TRIP13: variants seen among roughly 807,000 people sequenced by gnomAD.
TRIP13 encodes pachytene checkpoint protein 2 homolog.
TRIP13 carries 25 observed loss-of-function variants against 54.4 expected under a neutral mutation model. The ratio of observed to expected loss-of-function variants is 0.46; its 90% CI spans 0.33 to 0.64. TRIP13 has a LOEUF of 0.64. Among genes scored for constraint, TRIP13 ranks in the 30% least tolerant of loss-of-function variants. TRIP13 has a pLI of 0.02. For synonymous variants in TRIP13, 207 were observed against 207.8 expected (o/e 1.00, Z 0.03); for missense variants, 373 against 534.2 (o/e 0.70, Z 2.97).
chr5:901,866 G>A (rs1487234107), intron 5 of TRIP13, among the ~76,000 whole-genome samples: 1 of 151,968 alleles, frequency 6.6e-6, no homozygotes, highest in African/African-American at 2.4e-5. Flanking sequence ...CAGGTGATCC[G>A]CCCGCCTCAG....
chr5:895,037 G>A (rs1012083265), intron 2 of TRIP13, 85 bp downstream of exon 2: 2 of 1,429,066 alleles, frequency 1.4e-6, no homozygotes, highest in Middle Eastern at 2.3e-4. Context: ...TTCATAGCCT[G>A]TTGTCAGAAA....
intron 1 of TRIP13, among the ~76,000 whole-genome samples, chr5:893,377 A>ACCCTGCCCCTGC (rs138113921): frequency 6.6e-6 from 1 of 151,672 alleles, no homozygotes; most frequent in South Asian, 2.1e-4. Context: ...CCTGGCCCTG[A>ACCCTGCCCCTGC]CCCTGCCCCT....
chr5:904,378 T>C (rs1580054849), intron 6 of TRIP13, among the ~76,000 whole-genome samples, 158 bp downstream of exon 6: 1 of 152,206 alleles, frequency 6.6e-6, no homozygotes, highest in East Asian at 1.9e-4. Context: ...TGAGTTATGA[T>C]TTCAGTCTTT....
Position 908,150 on chromosome 5 carries a change from C to T in TRIP13, c.759+76C>T. On this transcript the variant is annotated intron_variant, in intron 8 of 12. Transcript: ENST00000166345. This position sits in a 1 kb window ranked among gnomAD's most constrained non-coding sequence, Gnocchi z 5.2. ...GTGGGGACACAGCCTACTCCTGATG[C>T]TCCTAGCTTTCCCCTCCTACAGCCG... 1 of 1,540,106 alleles carries T rather than the reference C, an allele frequency of 6.5e-7. No individual in the cohort carries two copies. Among genetic ancestry groups the T allele is most frequent in the African/African-American group, 1.4e-5 (1 of 73,518 alleles).
Position 915,799 on chromosome 5 carries a change from G to T in TRIP13, c.1134-105G>T, listed in dbSNP as rs973022151. 8.4e-7 allele frequency: 1 copy of T among 1,192,026 alleles called. No homozygotes were observed. The highest frequency in any genetic ancestry group is 1.7e-5 in the Admixed American group (1 of 58,642). The allele number at this position is 1,192,026 out of a possible 1,614,324, so 73.8% of individuals were successfully genotyped here. On this transcript the variant is annotated intron_variant, in intron 11 of 12. Transcript: ENST00000166345. This position sits in a 1 kb window ranked among gnomAD's most constrained non-coding sequence, Gnocchi z 4.2. ...TGTGAACCCAGGGTGTGCTTGGGAC[G>T]CCTCGGCTTGTGTTCCCAGGGATGC...
At chr5:893,409 A>T (rs1753754235) in intron 1 of TRIP13, among the ~76,000 whole-genome samples, 2 of 152,160 alleles carry the variant, frequency 1.3e-5, no homozygotes, top group African/African-American at 4.8e-5. Flanking sequence ...CCTCCAGTGC[A>T]TTGATGTGGC....
intron 12 of TRIP13, 74 bp from the exon 13 acceptor site, chr5:916,934 C>A: frequency 7.2e-7 from 1 of 1,398,318 alleles, no homozygotes; most frequent in Non-Finnish European, 9.9e-7. Flanking sequence ...TGGGTGGCGG[C>A]AGGGGCTGTG....
chr5:907,972 GGT>G lies in TRIP13; in HGVS notation c.673-13_673-12del. ...GGTCCCTGCACGTTGACACTAAAAGGGTGTTTGGGTTCCAGAGTGGCAAGCTG... is the reference window on the plus strand; with the variant it reads ...GGTCCCTGCACGTTGACACTAAAAGGGTTTGGGTTCCAGAGTGGCAAGCTG... On this transcript the variant is annotated splice_polypyrimidine_tract_variant and intron_variant, in intron 7 of 12. Transcript: ENST00000166345. This position sits in a 1 kb window ranked among gnomAD's most constrained non-coding sequence, Gnocchi z 4.1. 1.9e-6 allele frequency: 3 copies of G among 1,614,074 alleles called. No individual in the cohort carries two copies. The highest frequency in any genetic ancestry group is 2.5e-6 in the Non-Finnish European group (3 of 1,179,916).
Position 912,040 on chromosome 5 carries a change from A to C in TRIP13, c.1020+44A>C. On this transcript the variant is annotated intron_variant, in intron 10 of 12. Transcript: ENST00000166345. The surrounding 1 kb of genome is among the most constrained non-coding windows in gnomAD (Gnocchi z 7.2). ...TCCTCTTGATACAAATGGATTTCTTATATGTTCTTAATTAATTAAGATAGC... is the reference window on the plus strand; with the variant it reads ...TCCTCTTGATACAAATGGATTTCTTCTATGTTCTTAATTAATTAAGATAGC... The C allele has an allele frequency of 6.3e-7, 1 of 1,585,098 alleles. No individual in the cohort carries two copies. Among genetic ancestry groups the C allele is most frequent in the African/African-American group, 1.4e-5 (1 of 73,136 alleles).
intron 3 of TRIP13, 30 bp downstream of exon 3, chr5:896,824 G>A (rs1401224482): frequency 4.4e-6 from 7 of 1,607,844 alleles, no homozygotes; most frequent in Admixed American, 3.3e-5. Context: ...TTGAAGGGGA[G>A]GCTGAGGTCA....
intron 11 of TRIP13, 112 bp downstream of exon 11, chr5:914,689 C>A: frequency 1.2e-6 from 1 of 801,238 alleles, no homozygotes; most frequent in Non-Finnish European, 2.1e-6. Flanking sequence ...GAACTCTCAA[C>A]ACAGTATAGG....
At chr5:901,915 G>T (rs962041578) in intron 5 of TRIP13, among the ~76,000 whole-genome samples, 1 of 152,176 alleles carries the variant, frequency 6.6e-6, no homozygotes, top group Non-Finnish European at 1.5e-5. Flanking sequence ...GAGCCACCGC[G>T]CGCGGCCCCT....
At position 900,562 on chromosome 5, in the gene TRIP13, G is replaced by A. The variant is rs1753962180; in HGVS notation, c.444+13G>A. On this transcript the variant is annotated intron_variant, in intron 4 of 12. Transcript: ENST00000166345. ...AGTCAAATCCCATGTAAGTTGCTGT[G>A]CCTTTTCCCAGAATGCCCTGTTATT... 1 of 1,609,824 alleles carries A rather than the reference G, an allele frequency of 6.2e-7. No individual in the cohort carries two copies. Among genetic ancestry groups the A allele is most frequent in the Non-Finnish European group, 8.5e-7 (1 of 1,178,888 alleles).
chr5:900,540 C>T lies in TRIP13; in HGVS notation c.435C>T (p.Val145=). ...LWDSLVYDVE[V]KSHLLDYVMT... Reference sequence around the variant, plus strand: ...ACAGCTTGGTATACGATGTGGAAGTCAAATCCCATGTAAGTTGCTGTGCCT... The same window carrying T: ...ACAGCTTGGTATACGATGTGGAAGTTAAATCCCATGTAAGTTGCTGTGCCT... The change falls in exon 4 of 13, where the codon GTC becomes GTT. Residue 145 remains valine (V), a synonymous_variant. Transcript: ENST00000166345. The T allele has an allele frequency of 6.2e-7, 1 of 1,611,516 alleles. No individual in the cohort carries two copies. The highest frequency in any genetic ancestry group is 8.5e-7 in the Non-Finnish European group (1 of 1,179,428).
rs1485308672 is a variant in TRIP13, at chr5:917,669, C to T, written c.*566C>T. On this transcript the variant is annotated 3_prime_UTR_variant, in exon 13 of 13. Transcript: ENST00000166345. ...TTATACCAACTGAGAAAAAAATGGT[C>T]GGTAAAGTGTTCTTTCATAATAAAT... 1.3e-5 allele frequency: 2 copies of T among 152,182 alleles called. No individual in the cohort carries two copies. Among genetic ancestry groups the T allele is most frequent in the East Asian group, 3.8e-4 (2 of 5,198 alleles). 9.4% of individuals were successfully genotyped at this position (152,182 alleles called of 1,614,324 possible).
chr5:902,306 C>T (rs148275569), intron 5 of TRIP13, among the ~76,000 whole-genome samples: 5 of 152,260 alleles, frequency 3.3e-5, no homozygotes, highest in African/African-American at 1.2e-4. Context: ...GGGTACTTGG[C>T]TTCTTTAAGT....
intron 9 of TRIP13, among the ~76,000 whole-genome samples, chr5:909,928 C>T (rs572939588): frequency 3.9e-5 from 6 of 152,330 alleles, no homozygotes; most frequent in South Asian, 4.1e-4. Flanking sequence ...TCTGGTAAAC[C>T]GACAACCTTC....
At chr5:916,218 C>G (rs1292523828) in intron 12 of TRIP13, among the ~76,000 whole-genome samples, 1 of 152,228 alleles carries the variant, frequency 6.6e-6, no homozygotes, top group Admixed American at 6.5e-5. Flanking sequence ...ACATGCACGT[C>G]TGCCTCTGTG....
chr5:906,966 ATTAT>A (rs1754127555), intron 6 of TRIP13, among the ~76,000 whole-genome samples, 160 bp from the exon 7 acceptor site: 1 of 152,180 alleles, frequency 6.6e-6, no homozygotes, highest in African/African-American at 2.4e-5. Context: ...CTTTTTCATA[ATTAT>A]TTAGTACACG....
Sources: gnomAD v4.1 joint callset for allele counts (sites outside exome capture counted in the v4.1 genomes callset) on GRCh38, gnomAD v4.1.1 for gene constraint, Gnocchi (gnomAD v3.1) non-coding constraint, MANE v1.5 for transcripts, NCBI Gene and HGNC (gene_info 2026-07-23, HGNC 2026-07-21) for gene names.